ATP8B4: variants seen among roughly 807,000 people sequenced by gnomAD.
The protein encoded by ATP8B4 is ATPase phospholipid transporting 8B4 (putative).
In ATP8B4, 133 loss-of-function variants were observed where a neutral mutation model predicts 145.6. The ratio of observed to expected loss-of-function variants is 0.91; its 90% CI spans 0.79 to 1.05. ATP8B4 has a LOEUF of 1.05. Among genes scored for constraint, ATP8B4 ranks in the 50% least tolerant of loss-of-function variants. ATP8B4 has a pLI of 0.00. For missense variants in ATP8B4, 1,458 were observed against 1,425.2 expected, an observed-to-expected ratio of 1.02 and a Z score of -0.37; for synonymous variants, 507 against 492.9, an observed-to-expected ratio of 1.03 and a Z score of -0.38.
chr15:50,072,232 T>A (rs1294208073), intron 3 of ATP8B4, among the ~76,000 whole-genome samples: 1 of 152,146 alleles, frequency 6.6e-6, no homozygotes, highest in African/African-American at 2.4e-5. Flanking sequence ...CATATTTCTA[T>A]GCTTTAATAG....
intron 5 of ATP8B4, among the ~76,000 whole-genome samples, chr15:50,044,359 T>C (rs552902051): frequency 2.3e-4 from 35 of 152,366 alleles, no homozygotes; most frequent in African/African-American, 8.4e-4. Flanking sequence ...TTCTGGGCTT[T>C]AGTTTTCTCA....
Position 49,860,335 on chromosome 15 carries a change from T to G in ATP8B4, c.3438A>C (p.Lys1146Asn). The change falls in exon 28 of 28, where the codon AAA (lysine) becomes AAC (asparagine). Residue 1146 changes from lysine to asparagine, a missense_variant. Transcript: ENST00000284509. ...GGGGTGGATTTTTAGCTCGCATATT[T>G]TTTCCAGATGTGATAAGCTCTCCAT... is the stretch of plus-strand genomic sequence containing the variant. ...EGYGELITSG[K>N]NMRAKNPPPT... The G allele has an allele frequency of 6.2e-7, 1 of 1,614,178 alleles. No homozygotes were observed. The highest frequency in any genetic ancestry group is 1.1e-5 in the South Asian group (1 of 91,074).
chr15:49,943,033 A>G (rs920343710), intron 14 of ATP8B4, among the ~76,000 whole-genome samples: 2 of 152,102 alleles, frequency 1.3e-5, no homozygotes, highest in African/African-American at 4.8e-5. Flanking sequence ...CTTTAAAAAA[A>G]TTTTTAAAAA....
chr15:49,918,565 A>AT (rs2039966041), intron 19 of ATP8B4, among the ~76,000 whole-genome samples: 1 of 152,022 alleles, frequency 6.6e-6, no homozygotes, highest in Admixed American at 6.5e-5. Flanking sequence ...TTTAAATACC[A>AT]TTTTTGCCTC....
intron 25 of ATP8B4, among the ~76,000 whole-genome samples, chr15:49,868,960 C>T (rs550390458): frequency 2.4e-4 from 36 of 152,206 alleles, no homozygotes; most frequent in African/African-American, 8.2e-4. Context: ...TTGCTCTTGT[C>T]GCCAATGGTG....
chr15:50,053,609 C>CT (rs1383707662), intron 3 of ATP8B4, among the ~76,000 whole-genome samples: 1 of 152,184 alleles, frequency 6.6e-6, no homozygotes. Flanking sequence ...TGGCCCCTAA[C>CT]AAAGCTCAAT....
intron 1 of ATP8B4, among the ~76,000 whole-genome samples, chr15:50,161,983 T>C (rs988116816): frequency 2.0e-5 from 3 of 152,202 alleles, no homozygotes; most frequent in African/African-American, 7.2e-5. Flanking sequence ...TCAGCATTAG[T>C]TTGTCTTGAA....
chr15:50,138,318 A>G (rs952342864), intron 1 of ATP8B4, among the ~76,000 whole-genome samples: 344 of 125,814 alleles, frequency 2.7e-3, no homozygotes, highest in African/African-American at 9.6e-3. Context: ...ATATAGATAG[A>G]TAGATAGGTA....
chr15:49,944,810 T>A (rs949226958), intron 14 of ATP8B4, among the ~76,000 whole-genome samples: 4 of 152,088 alleles, frequency 2.6e-5, no homozygotes, highest in African/African-American at 9.7e-5. Context: ...AGATCACATG[T>A]TAGAGCACAA....
At position 49,860,089 on chromosome 15, in the gene ATP8B4, T is replaced by C. The variant is rs1249468247; in HGVS notation, c.*105A>G. 2 of 1,374,728 alleles carry C rather than the reference T, an allele frequency of 1.5e-6. No homozygotes were observed. The highest frequency in any genetic ancestry group is 2.0e-6 in the Non-Finnish European group (2 of 1,012,568). The allele number at this position is 1,374,728 out of a possible 1,614,324, so 85.2% of individuals were successfully genotyped here. A position where few individuals can be genotyped will look rare whatever the true frequency, so the allele number is the denominator to read the frequency against. Reference sequence around the variant, plus strand: ...CGCAGATTTAAGTTAAGTGAGGCAATCTGCCTGCCCCACCTCTTGCCTCAA... The same window carrying C: ...CGCAGATTTAAGTTAAGTGAGGCAACCTGCCTGCCCCACCTCTTGCCTCAA... On this transcript the variant is annotated 3_prime_UTR_variant, in exon 28 of 28. Coordinates refer to ENST00000284509, the MANE Select transcript of ATP8B4 (RefSeq NM_024837.4).
intron 15 of ATP8B4, among the ~76,000 whole-genome samples, chr15:49,933,242 C>T (rs1467050636): frequency 6.6e-6 from 1 of 151,812 alleles, no homozygotes; most frequent in East Asian, 1.9e-4. Context: ...AGAAACAGCA[C>T]ATGCAATATA....
Position 50,021,444 on chromosome 15 carries a change from T to G in ATP8B4, c.363-10527A>C, listed in dbSNP as rs914326180. On this transcript the variant is annotated intron_variant, in intron 6 of 27. Coordinates refer to ENST00000284509, the MANE Select transcript of ATP8B4 (RefSeq NM_024837.4). Reference sequence around the variant, plus strand: ...TTGGCTCTTGCCAGCCCTTCAGCACTCCCCTTTATCACAATACTCTAGCCA... The same window carrying G: ...TTGGCTCTTGCCAGCCCTTCAGCACGCCCCTTTATCACAATACTCTAGCCA... Among the ~76,000 whole-genome samples, 4 of 152,160 alleles carry G rather than the reference T, an allele frequency of 2.6e-5. No individual in the cohort carries two copies. In the South Asian group the frequency reaches 8.3e-4, roughly 32 times the overall value.
intron 5 of ATP8B4, among the ~76,000 whole-genome samples, chr15:50,039,522 T>C (rs1442329730): frequency 1.3e-5 from 2 of 152,168 alleles, no homozygotes; most frequent in Non-Finnish European, 2.9e-5. Flanking sequence ...TAAGTCTTCC[T>C]ATGTGAAATG....
chr15:49,968,352 C>G (rs2044748288), intron 13 of ATP8B4, among the ~76,000 whole-genome samples: 1 of 152,160 alleles, frequency 6.6e-6, no homozygotes, highest in Non-Finnish European at 1.5e-5. Context: ...AGTCAAGACC[C>G]ACTGGTGTGC....
intron 7 of ATP8B4, chr15:50,009,569 C>T (rs919034569): frequency 7.6e-6 from 3 of 392,612 alleles, no homozygotes. Flanking sequence ...TCAGTTCTCT[C>T]CCAGTTCCCC....
intron 3 of ATP8B4, among the ~76,000 whole-genome samples, chr15:50,072,937 T>A: frequency 5.2e-5 from 1 of 19,360 alleles, no homozygotes; most frequent in Non-Finnish European, 9.3e-5. Context: ...TCTCTCTCTC[T>A]CTCTCTCTCT....
chr15:49,981,869 G>A (rs1023037714), intron 10 of ATP8B4, among the ~76,000 whole-genome samples: 2 of 152,110 alleles, frequency 1.3e-5, no homozygotes, highest in African/African-American at 4.8e-5. Context: ...TGTCTTAAAT[G>A]TTGTGTTAGA....
At chr15:49,946,770 A>T (rs916820658) in intron 14 of ATP8B4, among the ~76,000 whole-genome samples, 2 of 152,162 alleles carry the variant, frequency 1.3e-5, no homozygotes, top group Admixed American at 6.5e-5. Context: ...TACATCTTCC[A>T]TCTGAAGAAG....
At chr15:49,969,854 A>G (rs916108609) in intron 13 of ATP8B4, among the ~76,000 whole-genome samples, 5 of 152,240 alleles carry the variant, frequency 3.3e-5, no homozygotes, top group Non-Finnish European at 7.3e-5. Flanking sequence ...CCTGATGAAC[A>G]TCAGTGCGAA....
Sources: gnomAD v4.1 joint callset for allele counts (sites outside exome capture counted in the v4.1 genomes callset) on GRCh38, gnomAD v4.1.1 for gene constraint, MANE v1.5 for transcripts, NCBI Gene and HGNC (gene_info 2026-07-23, HGNC 2026-07-21) for gene names.